Variants in ANO4 observed in about 807,000 individuals in gnomAD.
The protein encoded by ANO4 is anoctamin 4, also known as anoctamin-4.
Under a neutral mutation model 141.9 loss-of-function variants are expected in ANO4, and 69 were observed. The observed-to-expected ratio is 0.49, with a 90% CI of 0.40 to 0.59. The LOEUF (loss-of-function observed/expected upper bound fraction) is 0.59. ANO4 is among the 20% of genes least tolerant of loss of function. ANO4 has a pLI of 0.00. For missense variants in ANO4, 894 were observed against 1,162.2 expected (o/e 0.77, Z 3.36); for synonymous variants, 350 against 394.3 (o/e 0.89, Z 1.33).
At chr12:100,846,945 AC>A (rs11363490) in intron 1 of ANO4, among the ~76,000 whole-genome samples, 64,522 of 151,150 alleles carry the variant, frequency 0.43, 13,882 homozygotes, top group Middle Eastern at 0.49. Context: ...TTCCTTCCAC[AC>A]CCCCCCCCAA....
At chr12:100,780,098 A>G (rs530168184) in intron 3 of ANO4, among the ~76,000 whole-genome samples, 1 of 152,140 alleles carries the variant, frequency 6.6e-6, no homozygotes, top group African/African-American at 2.4e-5. Context: ...ATCATAGCTC[A>G]CTGCAGCCTC....
intron 2 of ANO4, among the ~76,000 whole-genome samples, chr12:100,735,898 CAG>C (rs2031589026): frequency 6.6e-6 from 1 of 152,108 alleles, no homozygotes; most frequent in South Asian, 2.1e-4. Flanking sequence ...ACTATCTGCA[CAG>C]AGAGTTCAGT....
intron 1 of ANO4, among the ~76,000 whole-genome samples, chr12:100,813,930 T>C (rs1437546220): frequency 6.6e-6 from 1 of 152,188 alleles, no homozygotes; most frequent in Non-Finnish European, 1.5e-5. Flanking sequence ...CTTTGGGCCA[T>C]GCGTGAGCAA....
intron 1 of ANO4, among the ~76,000 whole-genome samples, chr12:100,718,164 T>G (rs376606377): frequency 3.6e-3 from 542 of 152,380 alleles, no homozygotes; most frequent in Middle Eastern, 6.8e-3. Context: ...TATACATATA[T>G]ACATGTGTGG....
intron 3 of ANO4, among the ~76,000 whole-genome samples, chr12:100,745,244 C>G (rs975030592): frequency 3.9e-5 from 6 of 152,190 alleles, no homozygotes; most frequent in Admixed American, 3.9e-4. Context: ...TACTTTGATA[C>G]CTTTCCTTAC....
At chr12:100,832,136 G>A (rs2036664572) in intron 1 of ANO4, among the ~76,000 whole-genome samples, 1 of 152,004 alleles carries the variant, frequency 6.6e-6, no homozygotes, top group South Asian at 2.1e-4. Flanking sequence ...TGAAGACAGG[G>A]ACGCTCATTC....
intron 2 of ANO4, among the ~76,000 whole-genome samples, chr12:100,914,650 T>G (rs2041254965): frequency 6.6e-6 from 1 of 152,234 alleles, no homozygotes; most frequent in Non-Finnish European, 1.5e-5. Flanking sequence ...TGGAACTTTT[T>G]TTTTCAGAAC....
chr12:100,868,206 G>A (rs2038855199), intron 1 of ANO4, among the ~76,000 whole-genome samples: 1 of 152,194 alleles, frequency 6.6e-6, no homozygotes, highest in East Asian at 1.9e-4. Context: ...AGGCTTGAAG[G>A]GCGAGTCACA....
chr12:101,012,047 G>A (rs1246542085), intron 8 of ANO4, among the ~76,000 whole-genome samples: 5 of 151,774 alleles, frequency 3.3e-5, no homozygotes, highest in African/African-American at 1.2e-4. Flanking sequence ...CACATACAAA[G>A]CATCATTATA....
chr12:100,856,097 A>G (rs2056075), intron 1 of ANO4, among the ~76,000 whole-genome samples: 61,567 of 151,934 alleles, frequency 0.41, 12,675 homozygotes, highest in Admixed American at 0.48. Flanking sequence ...AAAAGTCTAC[A>G]GTGCATTTGG....
chr12:100,937,494 G>T (rs78757306), intron 3 of ANO4, among the ~76,000 whole-genome samples: 3,231 of 152,226 alleles, frequency 0.021, 118 homozygotes, highest in African/African-American at 0.073. Flanking sequence ...CTCAAAAAGT[G>T]TTAGTTCCTC....
rs145347001 is a variant in ANO4, at chr12:100,837,527, G to A, written c.-141+42500G>A. Among the ~76,000 whole-genome samples, 427 of 152,216 alleles carry A rather than the reference G, an allele frequency of 2.8e-3. 1 individual carries two copies. The highest frequency in any genetic ancestry group is 9.8e-3 in the African/African-American group (406 of 41,542). On this transcript the variant is annotated intron_variant, in intron 1 of 27. Transcript: ENST00000392977. ...GCAGTGGTTCACACCTGTAATCCCA[G>A]CACGTTGGGAGGCCGAGGCAGGAGG...
chr12:101,088,222 T>C (rs1015825008), intron 17 of ANO4, among the ~76,000 whole-genome samples: 1 of 152,122 alleles, frequency 6.6e-6, no homozygotes, highest in Non-Finnish European at 1.5e-5. Flanking sequence ...GGACTTTTTT[T>C]ATTTGCTGTT....
intron 7 of ANO4, among the ~76,000 whole-genome samples, chr12:100,985,703 A>T (rs929318985): frequency 6.6e-6 from 1 of 152,128 alleles, no homozygotes; most frequent in Non-Finnish European, 1.5e-5. Flanking sequence ...GATTCTTTTC[A>T]GTTTGACCCT....
intron 1 of ANO4, among the ~76,000 whole-genome samples, chr12:100,833,869 A>G (rs1217902550): frequency 6.6e-6 from 1 of 152,120 alleles, no homozygotes; most frequent in Non-Finnish European, 1.5e-5. Flanking sequence ...TTCTTCTCTG[A>G]GCCAAATAAG....
chr12:100,881,525 G>T (rs1185824150), intron 1 of ANO4, among the ~76,000 whole-genome samples: 1 of 151,938 alleles, frequency 6.6e-6, no homozygotes, highest in Admixed American at 6.6e-5. Context: ...TTTTCATTTA[G>T]GTTTTTCCAT....
chr12:101,009,708 A>G (rs2046005124), intron 8 of ANO4, among the ~76,000 whole-genome samples: 1 of 152,024 alleles, frequency 6.6e-6, no homozygotes, highest in Non-Finnish European at 1.5e-5. Flanking sequence ...TTCTATGTTT[A>G]CTTATATTAC....
At chr12:100,868,256 A>T (rs1440537187) in intron 1 of ANO4, among the ~76,000 whole-genome samples, 1 of 152,150 alleles carries the variant, frequency 6.6e-6, no homozygotes, top group Non-Finnish European at 1.5e-5. Context: ...CCTCTCAAAG[A>T]CACCCAGCCA....
intron 1 of ANO4, among the ~76,000 whole-genome samples, chr12:100,870,520 T>G (rs1376938085): frequency 3.9e-5 from 6 of 151,972 alleles, no homozygotes; most frequent in African/African-American, 1.2e-4. Context: ...TTTGCAGGAT[T>G]TTTTTTTAAG....
Sources: gnomAD v4.1 joint callset for allele counts (sites outside exome capture counted in the v4.1 genomes callset) on GRCh38, gnomAD v4.1.1 for gene constraint, MANE v1.5 for transcripts, NCBI Gene and HGNC (gene_info 2026-07-23, HGNC 2026-07-21) for gene names.